The following PCDHA7 variants were observed in gnomAD, a reference collection of about 807,000 sequenced individuals.
PCDHA7 encodes protocadherin alpha-7.
Under a neutral mutation model 57.2 loss-of-function variants are expected in PCDHA7, and 37 were observed. The observed-to-expected ratio is 0.65, with a 90% CI of 0.50 to 0.85. The LOEUF (loss-of-function observed/expected upper bound fraction) is 0.85, where lower values mean the gene tolerates loss of function less well. Among genes scored for constraint, PCDHA7 ranks in the 40% least tolerant of loss-of-function variants. PCDHA7 has a pLI of 0.00. For synonymous variants in PCDHA7, 553 were observed against 558.8 expected, an observed-to-expected ratio of 0.99 and a Z score of 0.15; for missense variants, 1,188 against 1,241.8, an observed-to-expected ratio of 0.96 and a Z score of 0.65.
Position 140,871,448 on chromosome 5 carries a change from A to G in PCDHA7, c.2355+34710A>G, listed in dbSNP as rs2053088391. On this transcript the variant is annotated intron_variant, in intron 1 of 3. Transcript: ENST00000525929. ...AGTCTTCCTCTAGGTCTGAATAAAG[A>G]GGAGGAAGGGGAAAGACAGGAGCCA... 2 of 1,609,780 alleles carry G rather than the reference A, an allele frequency of 1.2e-6. No homozygotes were observed. Among genetic ancestry groups the G allele is most frequent in the African/African-American group, 2.7e-5 (2 of 74,984 alleles).
chr5:141,001,378 C>T (rs889628264), intron 3 of PCDHA7, among the ~76,000 whole-genome samples: 20 of 152,166 alleles, frequency 1.3e-4, no homozygotes, highest in African/African-American at 4.8e-4. Flanking sequence ...GATTACAGAG[C>T]CTAAGATCCT....
intron 1 of PCDHA7, chr5:140,859,449 A>T (rs1319113076): frequency 4.5e-6 from 1 of 222,150 alleles, no homozygotes; most frequent in Non-Finnish European, 8.6e-6. Context: ...TTAGTTGCAG[A>T]GTGACAAAAC....
chr5:140,998,594 T>A (rs1396456161), intron 3 of PCDHA7, among the ~76,000 whole-genome samples: 4 of 152,076 alleles, frequency 2.6e-5, no homozygotes, highest in Non-Finnish European at 5.9e-5. Context: ...GACAGAGTTT[T>A]GCTCTTGTTG....
rs748166275 is a variant in PCDHA7 at position 140,954,138 on chromosome 5, T to C, written c.2356-24811T>C. Among the ~76,000 whole-genome samples the C allele has an allele frequency of 5.9e-4, 90 of 152,260 alleles. 1 individual carries two copies. The highest frequency in any genetic ancestry group is 6.5e-4 in the Admixed American group (10 of 15,282). On this transcript the variant is annotated intron_variant, in intron 1 of 3. Coordinates refer to ENST00000525929, the MANE Select transcript of PCDHA7 (RefSeq NM_018910.3). The stretch of plus-strand genomic sequence containing the variant: ...CTTGTTCCTTTTTATGGATGCATAG[T>C]ATTCCATGGTGTATATGTACCACAT...
chr5:140,876,834 G>C (rs1481867678), intron 1 of PCDHA7: 2 of 1,614,042 alleles, frequency 1.2e-6, no homozygotes, highest in Non-Finnish European at 1.7e-6. Context: ...ATGCGCCTGC[G>C]TTCGCGCAGC....
At chr5:140,868,895 G>C in intron 1 of PCDHA7, 2 of 777,188 alleles carry the variant, frequency 2.6e-6, no homozygotes, top group Non-Finnish European at 4.0e-6. Flanking sequence ...TAGGCGCAAG[G>C]TGTCGCTCTT....
At chr5:140,848,871 A>T in intron 1 of PCDHA7, 1 of 1,590,856 alleles carries the variant, frequency 6.3e-7, no homozygotes, top group Non-Finnish European at 8.6e-7. Context: ...GGTGAAGGAC[A>T]TTAACGACAA....
At chr5:140,927,475 C>A in intron 1 of PCDHA7, 1 of 1,614,110 alleles carries the variant, frequency 6.2e-7, no homozygotes, top group Non-Finnish European at 8.5e-7. Flanking sequence ...GGATCGCGAA[C>A]AGCGCGCCAC....
chr5:140,856,837 C>A, intron 1 of PCDHA7: 1 of 1,591,918 alleles, frequency 6.3e-7, no homozygotes, highest in Non-Finnish European at 8.6e-7. Flanking sequence ...TAATACGGCT[C>A]AACGCTTCTG....
At chr5:141,007,329 TTGCCTGAGCTCAG>T (rs1554261175) in intron 3 of PCDHA7, among the ~76,000 whole-genome samples, 2 of 149,734 alleles carry the variant, frequency 1.3e-5, no homozygotes. Context: ...AGTGGACAGA[TTGCCTGAGCTCAG>T]GAGTTCGAGA....
chr5:140,990,649 T>A (rs1465284882), intron 3 of PCDHA7, among the ~76,000 whole-genome samples: 1 of 152,330 alleles, frequency 6.6e-6, no homozygotes, highest in South Asian at 2.1e-4. Context: ...TCAGCCAGTA[T>A]GAATGATTTA....
At position 140,870,533 on chromosome 5, in the gene PCDHA7, C is replaced by A. The variant is rs1185177447; in HGVS notation, c.2355+33795C>A. The A allele has an allele frequency of 1.9e-6, 3 of 1,614,050 alleles. No individual in the cohort carries two copies. The African/African-American group carries it at 4.0e-5, about 22-fold the overall frequency. ...CCAGGCTGCCACATCTTCACAGTGTCGGCGCGGGACGCGGACGCGCAGGAG... is the reference window on the plus strand; with the variant it reads ...CCAGGCTGCCACATCTTCACAGTGTAGGCGCGGGACGCGGACGCGCAGGAG... On this transcript the variant is annotated intron_variant, in intron 1 of 3. Transcript: ENST00000525929.
At chr5:140,926,340 C>G (rs2083154977) in intron 1 of PCDHA7, 1 of 152,400 alleles carries the variant, frequency 6.6e-6, no homozygotes, top group Non-Finnish European at 1.5e-5. Flanking sequence ...GCGCCGGGAC[C>G]CGACGCGCGG....
chr5:140,944,182 GTTTGT>G (rs750577669), intron 1 of PCDHA7, among the ~76,000 whole-genome samples: 4 of 152,050 alleles, frequency 2.6e-5, no homozygotes, highest in African/African-American at 2.4e-5. Context: ...TTTTTTGTTG[GTTTGT>G]TTTGTTTTGT....
intron 1 of PCDHA7, chr5:140,882,711 C>A: frequency 6.2e-7 from 1 of 1,614,160 alleles, no homozygotes; most frequent in Non-Finnish European, 8.5e-7. Flanking sequence ...TCTAGACCTC[C>A]GGAAACTCGA....
chr5:140,965,401 A>C (rs546046699), intron 1 of PCDHA7, among the ~76,000 whole-genome samples: 1 of 152,166 alleles, frequency 6.6e-6, no homozygotes, highest in Non-Finnish European at 1.5e-5. Flanking sequence ...AAGTCTAAGG[A>C]GTCTTATATT....
intron 1 of PCDHA7, among the ~76,000 whole-genome samples, chr5:140,894,053 T>C (rs782239740): frequency 2.4e-4 from 37 of 152,336 alleles, no homozygotes; most frequent in Non-Finnish European, 5.1e-4. Context: ...CTCTGTTGAA[T>C]TGATTTTTAA....
At chr5:140,884,186 G>T in intron 1 of PCDHA7, 1 of 1,613,444 alleles carries the variant, frequency 6.2e-7, no homozygotes, top group East Asian at 2.2e-5. Context: ...TCTGGACGAG[G>T]TGGACGCGCC....
intron 1 of PCDHA7, among the ~76,000 whole-genome samples, chr5:140,879,660 G>A (rs994440632): frequency 1.3e-5 from 2 of 152,154 alleles, no homozygotes; most frequent in East Asian, 1.9e-4. Flanking sequence ...TATAACAAAC[G>A]AACACAAACT....
Sources: gnomAD v4.1 joint callset for allele counts (sites outside exome capture counted in the v4.1 genomes callset) on GRCh38, gnomAD v4.1.1 for gene constraint, MANE v1.5 for transcripts, NCBI Gene and HGNC (gene_info 2026-07-23, HGNC 2026-07-21) for gene names.